Variants in TRIM5 observed in about 807,000 individuals in gnomAD.
TRIM5 encodes tripartite motif containing 5.
In TRIM5, 31 loss-of-function variants were observed where a neutral mutation model predicts 35.6. The observed-to-expected ratio is 0.87, with a 90% CI of 0.65 to 1.18. The LOEUF is 1.18. TRIM5 is among the 50% of genes most tolerant of loss of function. The pLI, the probability that TRIM5 is intolerant of heterozygous loss-of-function variation, is 0.00. For synonymous variants in TRIM5, 243 were observed against 215.6 expected (o/e 1.13, Z -1.11); for missense variants, 609 against 591.6 (o/e 1.03, Z -0.31).
At chr11:5,603,445 G>T in the TRIM5 span, 8 of 1,614,000 alleles carry the variant, frequency 5.0e-6, no homozygotes, top group Admixed American at 1.3e-4. Context: ...AAATGGCAGG[G>T]AATCAGTGAT....
intron 4 of TRIM5, among the ~76,000 whole-genome samples, chr11:5,675,358 G>C (rs930883214): frequency 1.3e-5 from 2 of 152,104 alleles, no homozygotes; most frequent in Non-Finnish European, 2.9e-5. Flanking sequence ...CTGGGGTTCC[G>C]AGGAATACAG....
downstream of TRIM5, among the ~76,000 whole-genome samples, chr11:5,658,809 A>G (rs1196346983): frequency 6.6e-6 from 1 of 152,214 alleles, no homozygotes; most frequent in Non-Finnish European, 1.5e-5. Flanking sequence ...ACACCATGGA[A>G]TACTATGCAG....
chr11:5,603,419 A>G, the TRIM5 span: 1 of 1,614,118 alleles, frequency 6.2e-7, no homozygotes, highest in Non-Finnish European at 8.5e-7. Context: ...AGCTTCTGCC[A>G]AGCCTGCATC....
the TRIM5 span, chr11:5,589,118 GA>G: frequency 2.0e-5 from 3 of 151,854 alleles, no homozygotes; most frequent in African/African-American, 7.3e-5. Flanking sequence ...TCAGACAATT[GA>G]AGTTTTTCTT....
At chr11:5,596,493 C>A in the TRIM5 span, among the ~76,000 whole-genome samples, 1 of 125,204 alleles carries the variant, frequency 8.0e-6, no homozygotes, top group African/African-American at 3.1e-5. Context: ...GAGTCAGCAT[C>A]CCTTCCCCCC....
the TRIM5 span, among the ~76,000 whole-genome samples, chr11:5,638,050 A>G: frequency 2.6e-5 from 4 of 152,206 alleles, no homozygotes; most frequent in Non-Finnish European, 5.9e-5. Flanking sequence ...TCAAGAATGA[A>G]TGAGTTAATT....
the TRIM5 span, among the ~76,000 whole-genome samples, chr11:5,646,737 C>A: frequency 6.6e-6 from 1 of 152,164 alleles, no homozygotes; most frequent in South Asian, 2.1e-4. Context: ...GAACTCTGTT[C>A]CCTGAGAAGG....
the TRIM5 span, among the ~76,000 whole-genome samples, chr11:5,602,300 G>A: frequency 1.2e-4 from 19 of 152,150 alleles, no homozygotes; most frequent in South Asian, 4.1e-4. Flanking sequence ...AAAATTAGCC[G>A]GACATAGTGG....
chr11:5,595,855 G>A, the TRIM5 span, among the ~76,000 whole-genome samples: 1 of 151,874 alleles, frequency 6.6e-6, no homozygotes, highest in African/African-American at 2.4e-5. Context: ...GCTAATTTCT[G>A]TATTTTTAGT....
chr11:5,672,049 T>A (rs1388276391), intron 4 of TRIM5, among the ~76,000 whole-genome samples: 7 of 151,972 alleles, frequency 4.6e-5, no homozygotes, highest in African/African-American at 1.7e-4. Context: ...AAATAATAGA[T>A]GAGAGAAAAG....
At chr11:5,607,034 T>G in the TRIM5 span, among the ~76,000 whole-genome samples, 78 of 151,898 alleles carry the variant, frequency 5.1e-4, no homozygotes, top group Non-Finnish European at 1.1e-3. Context: ...AAACCCCGTC[T>G]CTACTAAAAA....
chr11:5,682,445 G>C (rs932548620), intron 1 of TRIM5, among the ~76,000 whole-genome samples: 1 of 152,136 alleles, frequency 6.6e-6, no homozygotes, highest in Non-Finnish European at 1.5e-5. Context: ...TGGTGCCCTA[G>C]TAGAGGCAAA....
the TRIM5 span, chr11:5,596,787 T>C: frequency 6.4e-7 from 1 of 1,565,964 alleles, no homozygotes; most frequent in Non-Finnish European, 8.8e-7. Context: ...AAAAGCCGAG[T>C]GAGCGCGCTC....
chr11:5,668,095 C>T (rs1197606909), intron 4 of TRIM5, among the ~76,000 whole-genome samples: 2 of 151,940 alleles, frequency 1.3e-5, no homozygotes, highest in Non-Finnish European at 2.9e-5. Flanking sequence ...AGCATGACCG[C>T]ATCTCTACAA....
the TRIM5 span, among the ~76,000 whole-genome samples, chr11:5,620,276 C>G: frequency 7.4e-6 from 1 of 134,706 alleles, no homozygotes. Flanking sequence ...CTCCTGGGTT[C>G]TATGGATTCT....
intron 2 of TRIM5, among the ~76,000 whole-genome samples, chr11:5,679,499 T>C (rs544255309): frequency 6.6e-6 from 1 of 152,142 alleles, no homozygotes; most frequent in Non-Finnish European, 1.5e-5. Flanking sequence ...GAGCTTTTCT[T>C]GGACACCAAA....
At chr11:5,681,544 T>C (rs1852448629) in intron 1 of TRIM5, among the ~76,000 whole-genome samples, 1 of 152,164 alleles carries the variant, frequency 6.6e-6, no homozygotes. Context: ...GCTGGGGTGA[T>C]TACCCTTATC....
the TRIM5 span, among the ~76,000 whole-genome samples, chr11:5,597,651 C>T: frequency 6.6e-6 from 1 of 152,134 alleles, no homozygotes; most frequent in Non-Finnish European, 1.5e-5. Context: ...GTGGACGGGC[C>T]CGCTCTGTCA....
At chr11:5,682,077 G>A (rs547156887) in intron 1 of TRIM5, among the ~76,000 whole-genome samples, 6 of 152,012 alleles carry the variant, frequency 3.9e-5, no homozygotes, top group Non-Finnish European at 7.4e-5. Flanking sequence ...GATTACAGGC[G>A]TGAGCCACCG....
Sources: gnomAD v4.1 joint callset for allele counts (sites outside exome capture counted in the v4.1 genomes callset) on GRCh38, gnomAD v4.1.1 for gene constraint, MANE v1.5 for transcripts, NCBI Gene and HGNC (gene_info 2026-07-23, HGNC 2026-07-21) for gene names.